Variants in KCNG1 observed in about 807,000 individuals in gnomAD.
KCNG1 encodes the protein voltage-gated potassium channel regulatory subunit KCNG1.
Under a neutral mutation model 32.4 loss-of-function variants are expected in KCNG1, and 17 were observed. The observed-to-expected ratio is 0.52, with a 90% confidence interval of 0.36 to 0.79. The LOEUF is 0.79. Ranked by LOEUF, KCNG1 falls within the 30% of genes least tolerant of loss-of-function variation. KCNG1 has a pLI of 0.00. For synonymous variants in KCNG1, 358 were observed against 339.9 expected (o/e 1.05, Z -0.59); for missense variants, 441 against 735.2 (o/e 0.60, Z 4.63).
At chr20:51,017,490 C>G (rs995842576) in intron 1 of KCNG1, among the ~76,000 whole-genome samples, 1 of 152,190 alleles carries the variant, frequency 6.6e-6, no homozygotes, top group Non-Finnish European at 1.5e-5. Context: ...GATGAGACAG[C>G]CTGGCACAGG....
chr20:51,010,484 T>G (rs1988039753), intron 1 of KCNG1, 120 bp from the exon 2 acceptor site: 5 of 713,026 alleles, frequency 7.0e-6, no homozygotes, highest in Non-Finnish European at 8.9e-6. Flanking sequence ...CATCCATAGG[T>G]TGCAGGCCCT....
rs903495703 is a variant in KCNG1, at chr20:51,005,102, C to T, written c.775-296G>A. The T allele has an allele frequency of 6.2e-6, 2 of 324,686 alleles. No homozygotes were observed. The highest frequency in any genetic ancestry group is 1.1e-5 in the Non-Finnish European group (2 of 179,230). 20.1% of individuals were successfully genotyped at this position (324,686 alleles called of 1,614,324 possible). A position where few individuals can be genotyped will look rare whatever the true frequency, so the allele number is the denominator to read the frequency against. ...CTGGGTGTCTGAGGGGCATCTCGAACTCACCATGGGATCCTGGTTTCCTCT... is the reference window on the plus strand; with the variant it reads ...CTGGGTGTCTGAGGGGCATCTCGAATTCACCATGGGATCCTGGTTTCCTCT... On this transcript the variant is annotated intron_variant, in intron 2 of 2. Transcript: ENST00000371571. The surrounding 1 kb of genome is among the most constrained non-coding windows in gnomAD (Gnocchi z 4.0).
intron 2 of KCNG1, among the ~76,000 whole-genome samples, chr20:51,007,588 A>T (rs954980572): frequency 6.6e-6 from 1 of 152,230 alleles, no homozygotes; most frequent in Non-Finnish European, 1.5e-5. Context: ...TAAGCCAGGC[A>T]TGAGGGCCTA....
chr20:51,021,752 G>A (rs1264632739), intron 1 of KCNG1, among the ~76,000 whole-genome samples: 1 of 152,148 alleles, frequency 6.6e-6, no homozygotes, highest in East Asian at 1.9e-4. Context: ...ATAACAGCGA[G>A]TGCTTAAGAA....
Position 51,005,602 on chromosome 20 carries a change from A to C in KCNG1, c.775-796T>G, listed in dbSNP as rs961869050. The C allele has an allele frequency of 2.0e-5, 3 of 152,176 alleles. No homozygotes were observed. Among genetic ancestry groups the C allele is most frequent in the African/African-American group, 7.2e-5 (3 of 41,428 alleles). The allele number at this position is 152,176 out of a possible 1,614,324, so 9.4% of individuals were successfully genotyped here. A position where few individuals can be genotyped will look rare whatever the true frequency, so the allele number is the denominator to read the frequency against. On this transcript the variant is annotated intron_variant, in intron 2 of 2. Coordinates refer to ENST00000371571, the MANE Select transcript of KCNG1 (RefSeq NM_002237.4). The surrounding 1 kb of genome is among the most constrained non-coding windows in gnomAD (Gnocchi z 4.0). ...TGTTGGTTAAATAGATAAAATGTTG[A>C]TTTAAGTCCTGGTGATAATTCAGTG... is the stretch of plus-strand genomic sequence containing the variant.
At chr20:51,006,142 C>T (rs1170208369) in intron 2 of KCNG1, 1 of 152,174 alleles carries the variant, frequency 6.6e-6, no homozygotes, top group African/African-American at 2.4e-5. Context: ...TCCTGGTCAC[C>T]CTGTCTCCCC....
rs1435791760 is a variant in KCNG1 at position 51,004,306 on chromosome 20, C to T, written c.1275G>A (p.Val425=). 6.2e-7 allele frequency: 1 copy of T among 1,613,446 alleles called. No individual in the cohort carries two copies. The highest frequency in any genetic ancestry group is 1.7e-5 in the Admixed American group (1 of 60,014). Residue 425 remains valine, a synonymous_variant, in exon 3 of 3, where the codon GTG becomes GTA. Coordinates refer to ENST00000371571, the MANE Select transcript of KCNG1 (RefSeq NM_002237.4). This position sits in a 1 kb window ranked among gnomAD's most constrained non-coding sequence, Gnocchi z 4.3. Reference sequence around the variant, plus strand: ...TCCTGGGGACCATGTCGCCATAGCCCACCGTCGTCATGGTGATGACAGCCC... The same window carrying T: ...TCCTGGGGACCATGTCGCCATAGCCTACCGTCGTCATGGTGATGACAGCCC... ...YWWAVITMTT[V]GYGDMVPRST...
rs1987711681 is a variant in KCNG1 at position 51,003,911 on chromosome 20, G to A, written c.*128C>T. 3.0e-6 allele frequency: 3 copies of A among 999,626 alleles called. No individual in the cohort carries two copies. The highest frequency in any genetic ancestry group is 4.4e-6 in the Non-Finnish European group (3 of 687,938). 61.9% of individuals were successfully genotyped at this position (999,626 alleles called of 1,614,324 possible). A position where few individuals can be genotyped will look rare whatever the true frequency, so the allele number is the denominator to read the frequency against. ...TGTGGGAGTGAGGGTGTCCTTCCCCGGGTGCGTGGGAGTCGGTGCTGCGCC... is the reference window on the plus strand; with the variant it reads ...TGTGGGAGTGAGGGTGTCCTTCCCCAGGTGCGTGGGAGTCGGTGCTGCGCC... On this transcript the variant is annotated 3_prime_UTR_variant, in exon 3 of 3. Transcript: ENST00000371571.
At chr20:51,019,964 C>G (rs1405597915) in intron 1 of KCNG1, among the ~76,000 whole-genome samples, 1 of 152,234 alleles carries the variant, frequency 6.6e-6, no homozygotes, top group East Asian at 1.9e-4. Context: ...TCTTAGCCAC[C>G]TGCTGTCTGT....
chr20:51,013,361 A>G (rs1988163949), intron 1 of KCNG1, among the ~76,000 whole-genome samples: 1 of 152,096 alleles, frequency 6.6e-6, no homozygotes, highest in South Asian at 2.1e-4. Flanking sequence ...ACAAATCCCC[A>G]ATGGAATCAA....
At chr20:51,017,359 T>C (rs1276591799) in intron 1 of KCNG1, among the ~76,000 whole-genome samples, 1 of 152,174 alleles carries the variant, frequency 6.6e-6, no homozygotes, top group African/African-American at 2.4e-5. Flanking sequence ...ACACACACAT[T>C]ACATATTTTA....
rs771491284 is a variant in KCNG1, at chr20:51,010,129, G to A, written c.210C>T (p.Gly70=). ...DRRRRIIINV[G]GIKYSLPWTT... is the part of the protein sequence containing the mutation. ...TCCAGGGCAGCGAGTACTTGATGCCGCCTACGTTGATGATGATCCGACGGC... is the reference window on the plus strand; with the variant it reads ...TCCAGGGCAGCGAGTACTTGATGCCACCTACGTTGATGATGATCCGACGGC... The change falls in exon 2 of 3, where the codon GGC becomes GGT. Residue 70 remains glycine (G), a synonymous_variant. Transcript: ENST00000371571. 9 of 1,613,538 alleles carry A rather than the reference G, an allele frequency of 5.6e-6. No homozygotes were observed. In the South Asian group the frequency reaches 9.9e-5, roughly 18 times the overall value.
rs1273123579 is a variant in KCNG1, at chr20:51,004,142, C to T, written c.1439G>A (p.Arg480Gln). ...GGTTTTGATGAGGAACTGCGCCCTCCGGAACATCACCCTCTCTTGCTCCTG... is the reference window on the plus strand; with the variant it reads ...GGTTTTGATGAGGAACTGCGCCCTCTGGAACATCACCCTCTCTTGCTCCTG... ...LKQEQERVMF[R>Q]RAQFLIKTKS... The change falls in exon 3 of 3, where the codon CGG becomes CAG. Residue 480 changes from arginine (R) to glutamine (Q), a missense_variant. Arg to Gln is a conservative substitution (Grantham distance 43, BLOSUM62 1). Around this residue, in one of 6 missense-constraint regions of KCNG1, gnomAD observed 53 missense variants for 79.1 expected, o/e 0.67. Coordinates refer to ENST00000371571, the MANE Select transcript of KCNG1 (RefSeq NM_002237.4). This position sits in a 1 kb window ranked among gnomAD's most constrained non-coding sequence, Gnocchi z 4.3. 5 of 1,614,086 alleles carry T rather than the reference C, an allele frequency of 3.1e-6. No homozygotes were observed. The highest frequency in any genetic ancestry group is 2.2e-5 in the East Asian group (1 of 44,890).
rs141984392 is a variant in KCNG1 at position 51,011,859 on chromosome 20, C to T, written c.-26-1495G>A. Among the ~76,000 whole-genome samples, 1,230 of 152,314 alleles carry T rather than the reference C, an allele frequency of 8.1e-3. 18 individuals are homozygous for T. Among genetic ancestry groups the T allele is most frequent in the African/African-American group, 0.025 (1,036 of 41,576 alleles). ...TTGCCTAGGCTGGAGTGCAGTGGCA[C>T]GATCTTGGCTCATTGCAATCTCCGC... On this transcript the variant is annotated intron_variant, in intron 1 of 2. Coordinates refer to ENST00000371571, the MANE Select transcript of KCNG1 (RefSeq NM_002237.4).
At chr20:51,008,616 A>G (rs183636719) in intron 2 of KCNG1, among the ~76,000 whole-genome samples, 44 of 151,396 alleles carry the variant, frequency 2.9e-4, no homozygotes, top group East Asian at 1.9e-4. Flanking sequence ...TATAGGTGTG[A>G]GCCACCACAC....
Position 51,004,249 on chromosome 20 carries a change from G to A in KCNG1, c.1332C>T (p.Ser444=), listed in dbSNP as rs760814669. The change falls in exon 3 of 3, where the codon AGC becomes AGT. Residue 444 remains serine, a synonymous_variant. Coordinates refer to ENST00000371571, the MANE Select transcript of KCNG1 (RefSeq NM_002237.4). This position sits in a 1 kb window ranked among gnomAD's most constrained non-coding sequence, Gnocchi z 4.3. ...CCATGAGCAGGATGCCGCTCAGGAT[G>A]CTGCTCAGGGCCACTACCTGGCCCG... ...STPGQVVALS[S]ILSGILLMAF... The A allele has an allele frequency of 1.2e-6, 2 of 1,613,972 alleles. No individual in the cohort carries two copies. The highest frequency in any genetic ancestry group is 1.1e-5 in the South Asian group (1 of 91,080).
At position 51,004,491 on chromosome 20, in the gene KCNG1, G is replaced by A; in HGVS notation, c.1090C>T (p.Gln364Ter). Residue 364 changes from glutamine to a stop codon, truncating the protein, a stop_gained, in exon 3 of 3, where the codon CAG (glutamine) becomes TAG (stop). Transcript: ENST00000371571. LOFTEE classifies it high-confidence loss of function. This position sits in a 1 kb window ranked among gnomAD's most constrained non-coding sequence, Gnocchi z 4.3. ...MRLARHSLGLQTLGLTARRCT... is the reference protein window; with the variant it reads ...MRLARHSLGL ...CGGCGGGCCGTGAGCCCCAGCGTCTGCAGCCCCAGGGAGTGGCGCGCCAGG... is the reference window on the plus strand; with the variant it reads ...CGGCGGGCCGTGAGCCCCAGCGTCTACAGCCCCAGGGAGTGGCGCGCCAGG... 1 of 1,596,042 alleles carries A rather than the reference G, an allele frequency of 6.3e-7. No homozygotes were observed.
chr20:51,013,411 C>T (rs539689643), intron 1 of KCNG1, among the ~76,000 whole-genome samples: 2 of 152,110 alleles, frequency 1.3e-5, no homozygotes, highest in Admixed American at 1.3e-4. Context: ...AACCCATTTC[C>T]AATACTTAAA....
rs762916287 is a variant in KCNG1 at position 51,010,294 on chromosome 20, C to T, written c.45G>A (p.Ala15=). The part of the protein sequence containing the change: ...PGDNSDYDYS[A]LSCTSDASFH... ...AGGAGGCGTCCGAGGTGCAGCTCAG[C>T]GCGCTGTAGTCGTAGTCAGAATTGT... Residue 15 remains alanine (A), a synonymous_variant, in exon 2 of 3, where the codon GCG becomes GCA. Transcript: ENST00000371571. The T allele has an allele frequency of 1.3e-6, 2 of 1,514,064 alleles. No homozygotes were observed. Among genetic ancestry groups the T allele is most frequent in the African/African-American group, 1.4e-5 (1 of 71,988 alleles). The allele number at this position is 1,514,064 out of a possible 1,614,324, so 93.8% of individuals were successfully genotyped here.
Sources: allele counts gnomAD v4.1 joint callset (sites outside exome capture counted in the v4.1 genomes callset), GRCh38; gene constraint gnomAD v4.1.1; regional missense constraint gnomAD v4.1.1; non-coding constraint Gnocchi (gnomAD v3.1); transcripts MANE v1.5; gene names NCBI Gene and HGNC (gene_info 2026-07-23, HGNC 2026-07-21).